GJC1: variants seen among roughly 807,000 people sequenced by gnomAD.
The protein encoded by GJC1 is gap junction gamma-1 protein.
In GJC1, 5 loss-of-function variants were observed where a neutral mutation model predicts 29.3. The ratio of observed to expected loss-of-function variants is 0.17; its 90% CI spans 0.09 to 0.36. The LOEUF (loss-of-function observed/expected upper bound fraction) is 0.36, where lower values mean the gene tolerates loss of function less well. GJC1 is among the 10% of genes least tolerant of loss of function. The pLI is 1.00. For synonymous variants in GJC1, 177 were observed against 183.3 expected (o/e 0.97, Z 0.28); for missense variants, 310 against 496.2 (o/e 0.62, Z 3.56).
intron 1 of GJC1, among the ~76,000 whole-genome samples, chr17:44,825,038 G>C (rs1297162991): frequency 6.6e-6 from 1 of 150,970 alleles, no homozygotes; most frequent in Non-Finnish European, 1.5e-5. Flanking sequence ...ACAAGACCCT[G>C]TCTCTTCCAA....
downstream of GJC1, among the ~76,000 whole-genome samples, chr17:44,795,735 C>T (rs986911483): frequency 1.3e-5 from 2 of 152,284 alleles, no homozygotes; most frequent in South Asian, 2.1e-4. Flanking sequence ...CCCCAGTGGG[C>T]GTATGTTACA....
At position 44,830,105 on chromosome 17, in the gene GJC1, G is replaced by C. The variant is rs1157635966; in HGVS notation, c.-140C>G. The C allele has an allele frequency of 6.6e-6, 1 of 152,350 alleles. No individual in the cohort carries two copies. The highest frequency in any genetic ancestry group is 1.5e-5 in the Non-Finnish European group (1 of 67,722). The allele number at this position is 152,350 out of a possible 1,614,324, so 9.4% of individuals were successfully genotyped here. ...GGAGCCGCCTCCTCCGCCGGGCCTC[G>C]GCCCGTCCCGCCGGTCGCGGCCTCA... is the stretch of plus-strand genomic sequence containing the variant. On this transcript the variant is annotated 5_prime_UTR_variant, in exon 1 of 3. Transcript: ENST00000592524. The surrounding 1 kb of genome is among the most constrained non-coding windows in gnomAD (Gnocchi z 4.3).
chr17:44,823,716 C>CT lies in GJC1; in HGVS notation c.-97+6345dup, dbSNP rs138768045. Among the ~76,000 whole-genome samples, 1,213 of 143,136 alleles carry CT rather than the reference C, an allele frequency of 8.5e-3. 7 individuals carry two copies. Among genetic ancestry groups the CT allele is most frequent in the African/African-American group, 9.4e-3 (369 of 39,278 alleles). The allele number at this position is 143,136 out of a possible 152,430, so 93.9% of individuals were successfully genotyped here. ...CCATGCCTGGCCTTTCTTTCCTTTC[C>CT]TTTTTTTTTTTTTGAGATGGAGTCT... On this transcript the variant is annotated intron_variant, in intron 1 of 2. Coordinates refer to ENST00000592524, the MANE Select transcript of GJC1 (RefSeq NM_005497.4).
intron 1 of GJC1, among the ~76,000 whole-genome samples, chr17:44,814,479 A>AT (rs199716370): frequency 2.0e-5 from 3 of 151,556 alleles, no homozygotes; most frequent in East Asian, 1.9e-4. Context: ...GGCTTCTTAA[A>AT]TTTTTTTTTA....
At position 44,805,557 on chromosome 17, in the gene GJC1, G is replaced by A. The variant is rs2049904214; in HGVS notation, c.261C>T (p.Pro87=). Residue 87 remains proline (P), a synonymous_variant, in exon 3 of 3, where the codon CCC becomes CCT. Transcript: ENST00000592524. The surrounding 1 kb of genome is among the most constrained non-coding windows in gnomAD (Gnocchi z 5.1). ...WVFQIILVAT[P]SVMYLGYAIH... is the part of the protein sequence containing the mutation. ...TAGCATAGCCCAGGTACATCACAGA[G>A]GGAGTTGCCACCAGGATGATCTGGA... is the stretch of plus-strand genomic sequence containing the variant. The A allele has an allele frequency of 1.9e-6, 3 of 1,614,184 alleles. No individual in the cohort carries two copies. The highest frequency in any genetic ancestry group is 2.2e-5 in the South Asian group (2 of 91,078).
chr17:44,814,803 C>T (rs140889179), intron 1 of GJC1, among the ~76,000 whole-genome samples: 291 of 152,132 alleles, frequency 1.9e-3, no homozygotes, highest in African/African-American at 6.7e-3. Flanking sequence ...ATTAGCTGGG[C>T]GTGGTGGCAT....
At chr17:44,825,424 T>A (rs1013894352) in intron 1 of GJC1, among the ~76,000 whole-genome samples, 2 of 151,642 alleles carry the variant, frequency 1.3e-5, no homozygotes. Flanking sequence ...GGGCAGAGGT[T>A]GCGGTGAGCC....
intron 1 of GJC1, among the ~76,000 whole-genome samples, chr17:44,825,147 C>T (rs1436565240): frequency 1.7e-5 from 2 of 118,294 alleles, no homozygotes; most frequent in Non-Finnish European, 3.2e-5. Flanking sequence ...AGCACCACTA[C>T]ACTTTAGCCT....
At chr17:44,811,911 G>A (rs1482593085) in intron 1 of GJC1, among the ~76,000 whole-genome samples, 2 of 152,074 alleles carry the variant, frequency 1.3e-5, no homozygotes, top group East Asian at 1.9e-4. Flanking sequence ...GCTGAGGCAG[G>A]AGAATGGCTT....
upstream of GJC1, chr17:44,830,723 TA>T: frequency 2.5e-6 from 1 of 398,696 alleles, no homozygotes; most frequent in Admixed American, 4.4e-5. This position sits in a 1 kb window ranked among gnomAD's most constrained non-coding sequence, Gnocchi z 4.3. Flanking sequence ...CACGGGATGC[TA>T]ATGTCTCCTC....
At chr17:44,821,628 T>C (rs1457664613) in intron 1 of GJC1, among the ~76,000 whole-genome samples, 9 of 129,166 alleles carry the variant, frequency 7.0e-5, no homozygotes, top group African/African-American at 1.2e-4. Context: ...ACTTGGGAGG[T>C]GGAGGCTGCA....
In GJC1 at chr17:44,803,473, T is replaced by C. The variant is rs1289854042; in HGVS notation, c.*1154A>G. The C allele has an allele frequency of 6.6e-6, 1 of 152,204 alleles. No homozygotes were observed. Among genetic ancestry groups the C allele is most frequent in the Non-Finnish European group, 1.5e-5 (1 of 68,040 alleles). The allele number at this position is 152,204 out of a possible 1,614,324, so 9.4% of individuals were successfully genotyped here. ...AGGTCTATTTACAGACAGGACCCCA[T>C]GACCTTTCAGGCATAAACCTCCACT... On this transcript the variant is annotated 3_prime_UTR_variant, in exon 3 of 3. Coordinates refer to ENST00000592524, the MANE Select transcript of GJC1 (RefSeq NM_005497.4).
At chr17:44,815,974 G>T (rs1028232893) in intron 1 of GJC1, among the ~76,000 whole-genome samples, 1 of 151,646 alleles carries the variant, frequency 6.6e-6, no homozygotes, top group Non-Finnish European at 1.5e-5. Context: ...TTAGCCAGAC[G>T]TGGTGGCGGG....
chr17:44,796,525 A>C (rs1355080943), downstream of GJC1, among the ~76,000 whole-genome samples: 1 of 152,230 alleles, frequency 6.6e-6, no homozygotes, highest in African/African-American at 2.4e-5. Flanking sequence ...CAGAGGAGGT[A>C]ATTCAAAACA....
chr17:44,816,596 G>A (rs1176433194), intron 1 of GJC1, among the ~76,000 whole-genome samples: 1 of 152,046 alleles, frequency 6.6e-6, no homozygotes, highest in Non-Finnish European at 1.5e-5. Flanking sequence ...CTGCCTCCGG[G>A]GTTCAAGCAA....
chr17:44,826,467 T>G lies in GJC1; in HGVS notation c.-97+3595A>C, dbSNP rs1326433488. Among the ~76,000 whole-genome samples the G allele has an allele frequency of 5.3e-5, 8 of 151,648 alleles. No homozygotes were observed. The East Asian group carries it at 1.6e-3, about 29-fold the overall frequency. Reference sequence around the variant, plus strand: ...ATGGCATGAACTCGGGAGGTGGAGCTTGTGGTGAGCAGAGATCACGCCACT... The same window carrying G: ...ATGGCATGAACTCGGGAGGTGGAGCGTGTGGTGAGCAGAGATCACGCCACT... On this transcript the variant is annotated intron_variant, in intron 1 of 2. Coordinates refer to ENST00000592524, the MANE Select transcript of GJC1 (RefSeq NM_005497.4).
chr17:44,816,919 A>G (rs1330066251), intron 1 of GJC1, among the ~76,000 whole-genome samples: 1 of 152,188 alleles, frequency 6.6e-6, no homozygotes, highest in Admixed American at 6.6e-5. Flanking sequence ...TTAAAAATTT[A>G]TAATTTGCCT....
chr17:44,824,005 C>T (rs1597759835), intron 1 of GJC1, among the ~76,000 whole-genome samples: 1 of 150,604 alleles, frequency 6.6e-6, no homozygotes, highest in South Asian at 2.1e-4. Context: ...AGTCACTGTG[C>T]CTGGCCCTCT....
Position 44,799,665 on chromosome 17 carries a change from TC to T in GJC1, c.*4961del, listed in dbSNP as rs1457154579. 1 of 152,352 alleles carries T rather than the reference TC, an allele frequency of 6.6e-6. No individual in the cohort carries two copies. The highest frequency in any genetic ancestry group is 1.5e-5 in the Non-Finnish European group (1 of 68,064). 9.4% of individuals were successfully genotyped at this position (152,352 alleles called of 1,614,324 possible). On this transcript the variant is annotated 3_prime_UTR_variant, in exon 3 of 3. Transcript: ENST00000592524. Reference sequence around the variant, plus strand: ...TGGGCACAGTGGCTTATGCCTGTAATCCCAGCACCTTCGGAGGCTGTGATGG... The same window carrying T: ...TGGGCACAGTGGCTTATGCCTGTAATCCAGCACCTTCGGAGGCTGTGATGG...
Sources: allele counts gnomAD v4.1 joint callset (sites outside exome capture counted in the v4.1 genomes callset), GRCh38; gene constraint gnomAD v4.1.1; non-coding constraint Gnocchi (gnomAD v3.1); transcripts MANE v1.5; gene names NCBI Gene and HGNC (gene_info 2026-07-23, HGNC 2026-07-21).